SYTL3: variants seen among roughly 807,000 people sequenced by gnomAD.
SYTL3 encodes synaptotagmin-like protein 3.
SYTL3 carries 88 observed loss-of-function variants against 82.1 expected under a neutral mutation model. That is an observed-to-expected ratio of 1.07 (90% CI 0.90 to 1.28). The LOEUF (loss-of-function observed/expected upper bound fraction) is 1.28. Among genes scored for constraint, SYTL3 ranks in the 50% most tolerant of loss-of-function variants. The pLI is 0.00. For synonymous variants in SYTL3, 311 were observed against 289.4 expected (o/e 1.07, Z -0.76); for missense variants, 831 against 757.6 (o/e 1.10, Z -1.14).
At chr6:158,740,623 C>G (rs990368223) in intron 11 of SYTL3, among the ~76,000 whole-genome samples, 6 of 152,130 alleles carry the variant, frequency 3.9e-5, no homozygotes, top group Non-Finnish European at 8.8e-5. Context: ...CAGGAAATTC[C>G]TTAGTCCTAA....
intron 5 of SYTL3, among the ~76,000 whole-genome samples, chr6:158,668,971 C>T (rs1383726651): frequency 2.0e-5 from 3 of 152,082 alleles, no homozygotes; most frequent in Non-Finnish European, 2.9e-5. Context: ...TGAAGGGGCT[C>T]CTGTTGTCCT....
rs1218159897 is a variant in SYTL3 at position 158,708,351 on chromosome 6, C to T, written c.476C>T (p.Pro159Leu). 1.2e-6 allele frequency: 2 copies of T among 1,614,184 alleles called. No homozygotes were observed. Among genetic ancestry groups the T allele is most frequent in the South Asian group, 2.2e-5 (2 of 91,084 alleles). Reference sequence around the variant, plus strand: ...ATTTCTGTGGTTCCTCCTACTCCACCTCCTGTCAGCGAGAGCCAGTGCAGC... The same window carrying T: ...ATTTCTGTGGTTCCTCCTACTCCACTTCCTGTCAGCGAGAGCCAGTGCAGC... ...SKISVVPPTP[P>L]PVSESQCSRS... The change falls in exon 8 of 18, where the codon CCT becomes CTT. Residue 159 changes from proline (P) to leucine (L), a missense_variant. By Grantham distance (98) the Pro-to-Leu change is moderately conservative (BLOSUM62 -3). Transcript: ENST00000611299.
chr6:158,748,809 C>T (rs1209506248), intron 12 of SYTL3, among the ~76,000 whole-genome samples: 1 of 150,392 alleles, frequency 6.6e-6, no homozygotes, highest in African/African-American at 2.5e-5. Context: ...CACACCATTG[C>T]ACTCCAGCCT....
intron 5 of SYTL3, among the ~76,000 whole-genome samples, chr6:158,666,213 G>A (rs1790034408): frequency 6.6e-6 from 1 of 152,176 alleles, no homozygotes; most frequent in African/African-American, 2.4e-5. Context: ...AGTACCAGTG[G>A]AGTAAATTAT....
At chr6:158,685,803 A>AGT (rs1398145678) in intron 6 of SYTL3, among the ~76,000 whole-genome samples, 2 of 152,138 alleles carry the variant, frequency 1.3e-5, no homozygotes, top group Non-Finnish European at 2.9e-5. Context: ...GGGCAACAAG[A>AGT]GTGAAACTCC....
intron 2 of SYTL3, among the ~76,000 whole-genome samples, chr6:158,652,810 G>A (rs1788192841): frequency 6.6e-6 from 1 of 152,148 alleles, no homozygotes; most frequent in Admixed American, 6.6e-5. Context: ...CAAAGTGCTG[G>A]GATTACAGGC....
At chr6:158,689,421 T>G (rs904919548) in intron 6 of SYTL3, among the ~76,000 whole-genome samples, 2 of 152,190 alleles carry the variant, frequency 1.3e-5, no homozygotes, top group Non-Finnish European at 2.9e-5. Context: ...CTGTAGATGT[T>G]CTTGGTATGT....
rs575224811 is a variant in SYTL3, at chr6:158,662,222, A to G, written c.-519-528A>G. Among the ~76,000 whole-genome samples, 44 of 152,324 alleles carry G rather than the reference A, an allele frequency of 2.9e-4. 1 individual carries two copies. In the South Asian group the frequency reaches 8.1e-3, roughly 28 times the overall value. On this transcript the variant is annotated intron_variant, in intron 3 of 17. Transcript: ENST00000611299. ...TAGATTTAATAACAAAAATGGTACT[A>G]TAGGAAGTATATTGATTTGATCTTC...
chr6:158,739,274 T>C (rs530256653), intron 11 of SYTL3, among the ~76,000 whole-genome samples: 1 of 152,360 alleles, frequency 6.6e-6, no homozygotes, highest in East Asian at 1.9e-4. Context: ...TCATTTCTGG[T>C]GGGCAGTAAA....
Position 158,675,928 on chromosome 6 carries a change from C to T in SYTL3, c.330-6997C>T, listed in dbSNP as rs570491288. 1.4e-4 allele frequency among the ~76,000 whole-genome samples: 21 copies of T among 152,154 alleles called. No homozygotes were observed. In the South Asian group the frequency reaches 2.5e-3, roughly 18 times the overall value. On this transcript the variant is annotated intron_variant, in intron 5 of 17. Transcript: ENST00000611299. Reference sequence around the variant, plus strand: ...TGGCACCACTGCACCCCAGCCTGGGCGACAGAGCGAGACTCCATCTCATGG... The same window carrying T: ...TGGCACCACTGCACCCCAGCCTGGGTGACAGAGCGAGACTCCATCTCATGG...
chr6:158,685,661 A>T (rs941279205), intron 6 of SYTL3, among the ~76,000 whole-genome samples: 1 of 152,110 alleles, frequency 6.6e-6, no homozygotes, highest in Non-Finnish European at 1.5e-5. Flanking sequence ...TCTACTAAAA[A>T]TACAAAATTA....
intron 6 of SYTL3, among the ~76,000 whole-genome samples, chr6:158,702,448 G>A (rs1781425724): frequency 6.6e-6 from 1 of 151,538 alleles, no homozygotes; most frequent in African/African-American, 2.4e-5. Context: ...AGGCTGATGT[G>A]GGAGGATCGC....
chr6:158,743,232 A>G (rs928696408), intron 11 of SYTL3, among the ~76,000 whole-genome samples: 7 of 152,212 alleles, frequency 4.6e-5, no homozygotes, highest in African/African-American at 1.7e-4. Flanking sequence ...TGTTGCTTAC[A>G]CAGGGACTTA....
chr6:158,757,657 C>T (rs1176100190), intron 14 of SYTL3, among the ~76,000 whole-genome samples: 1 of 152,248 alleles, frequency 6.6e-6, no homozygotes, highest in Non-Finnish European at 1.5e-5. Context: ...GTGGCTTCCC[C>T]TGGCGGAGGC....
Position 158,729,669 on chromosome 6 carries a change from C to T in SYTL3, c.855+4032C>T, listed in dbSNP as rs182431263. On this transcript the variant is annotated intron_variant, in intron 11 of 17. Coordinates refer to ENST00000611299, the MANE Select transcript of SYTL3 (RefSeq NM_001242394.2). ...GCAAGCTCCGCCTCTCTGGTTCACG[C>T]CATTCTCCTGCCTCAGCCTCCTGAG... is the stretch of plus-strand genomic sequence containing the variant. Among the ~76,000 whole-genome samples, 453 of 151,154 alleles carry T rather than the reference C, an allele frequency of 3.0e-3. 4 individuals are homozygous for T. The highest frequency in any genetic ancestry group is 2.3e-3 in the Non-Finnish European group (157 of 67,840).
chr6:158,755,104 A>T lies in SYTL3; in HGVS notation c.1138-2107A>T, dbSNP rs373344265. Among the ~76,000 whole-genome samples the T allele has an allele frequency of 3.3e-5, 5 of 152,178 alleles. No homozygotes were observed. In the East Asian group the frequency reaches 7.7e-4, roughly 23 times the overall value. ...ACGCTTGTAATCCCAGAACTTTGAG[A>T]GGCTGAGACGGGTGGAGGGCTTGAG... On this transcript the variant is annotated intron_variant, in intron 13 of 17. Coordinates refer to ENST00000611299, the MANE Select transcript of SYTL3 (RefSeq NM_001242394.2).
chr6:158,722,191 T>G (rs1195925025), intron 10 of SYTL3, among the ~76,000 whole-genome samples: 2 of 151,826 alleles, frequency 1.3e-5, no homozygotes, highest in Non-Finnish European at 2.9e-5. Context: ...GACAGGGTCT[T>G]ACTTTGTCAC....
chr6:158,741,841 A>C (rs1269561914), intron 11 of SYTL3, among the ~76,000 whole-genome samples: 1 of 152,214 alleles, frequency 6.6e-6, no homozygotes, highest in Non-Finnish European at 1.5e-5. Flanking sequence ...TCCAAGGCTG[A>C]ACAATCATAG....
intron 6 of SYTL3, among the ~76,000 whole-genome samples, chr6:158,683,587 G>A (rs1175613180): frequency 6.6e-6 from 1 of 152,158 alleles, no homozygotes; most frequent in East Asian, 1.9e-4. Context: ...TAGGGGTGAT[G>A]TCCCCTCCTC....
Sources: gnomAD v4.1 joint callset for allele counts (sites outside exome capture counted in the v4.1 genomes callset) on GRCh38, gnomAD v4.1.1 for gene constraint, MANE v1.5 for transcripts, NCBI Gene and HGNC (gene_info 2026-07-23, HGNC 2026-07-21) for gene names.